PIK3CB: variants seen among roughly 807,000 people sequenced by gnomAD.
PIK3CB encodes the protein phosphatidylinositol 4,5-bisphosphate 3-kinase catalytic subunit beta isoform.
In PIK3CB, 39 loss-of-function variants were observed where a neutral mutation model predicts 136.8. That is an observed-to-expected ratio of 0.29 (90% confidence interval 0.22 to 0.37). PIK3CB has a LOEUF of 0.37. PIK3CB is among the 10% of genes least tolerant of loss of function. The pLI, the probability that PIK3CB is intolerant of heterozygous loss-of-function variation, is 1.00. For synonymous variants in PIK3CB, 428 were observed against 436.6 expected, an observed-to-expected ratio of 0.98 and a Z score of 0.25; for missense variants, 868 against 1,275.4, an observed-to-expected ratio of 0.68 and a Z score of 4.87.
rs1409520612 is a variant in PIK3CB at position 138,763,831 on chromosome 3, G to A, written c.-16-4472C>T. Among the ~76,000 whole-genome samples the A allele has an allele frequency of 2.0e-5, 3 of 152,178 alleles. No individual in the cohort carries two copies. In the East Asian group the frequency reaches 5.8e-4, roughly 29 times the overall value. On this transcript the variant is annotated intron_variant, in intron 2 of 23. Coordinates refer to ENST00000674063, the MANE Select transcript of PIK3CB (RefSeq NM_006219.3). ...GTAGATACAAAAATTTCTTGATGAAGGCCAGGCGCGCTGGCTCATGCCTGC... is the reference window on the plus strand; with the variant it reads ...GTAGATACAAAAATTTCTTGATGAAAGCCAGGCGCGCTGGCTCATGCCTGC...
chr3:138,756,424 CA>C (rs1301678347), intron 3 of PIK3CB, among the ~76,000 whole-genome samples: 8 of 151,356 alleles, frequency 5.3e-5, no homozygotes, highest in South Asian at 2.1e-4. Flanking sequence ...CAGGAGTAAT[CA>C]AAAAAAAATT....
At chr3:138,665,233 T>C (rs1306170821) in intron 19 of PIK3CB, 30 bp from the exon 20 acceptor site, 2 of 1,480,876 alleles carry the variant, frequency 1.4e-6, no homozygotes, top group Admixed American at 2.2e-5. Context: ...CATAGAGTCA[T>C]ATTTTCCTTA....
At chr3:138,815,631 A>G (rs987733997) in intron 1 of PIK3CB, among the ~76,000 whole-genome samples, 4 of 152,160 alleles carry the variant, frequency 2.6e-5, no homozygotes, top group African/African-American at 7.2e-5. Flanking sequence ...TGACCATGCT[A>G]TGCTGCCATT....
chr3:138,709,798 T>C (rs2044457329), intron 10 of PIK3CB, among the ~76,000 whole-genome samples: 1 of 152,178 alleles, frequency 6.6e-6, no homozygotes, highest in South Asian at 2.1e-4. Flanking sequence ...AGAACATGTG[T>C]GAGTCTAAAT....
intron 11 of PIK3CB, among the ~76,000 whole-genome samples, chr3:138,705,906 C>T (rs1379103310): frequency 6.6e-6 from 1 of 152,172 alleles, no homozygotes; most frequent in East Asian, 1.9e-4. Flanking sequence ...GCACATGCCA[C>T]CACACCCAGC....
chr3:138,693,215 G>A lies in PIK3CB; in HGVS notation c.1892+1571C>T, dbSNP rs184173952. The stretch of plus-strand genomic sequence containing the variant: ...CTCAAGTGATCCTCCTACCTCAGCC[G>A]CCCAAGTAGCTGGGACCACAGGTGC... On this transcript the variant is annotated intron_variant, in intron 14 of 23. Transcript: ENST00000674063. Among the ~76,000 whole-genome samples the A allele has an allele frequency of 2.0e-4, 31 of 151,450 alleles. No individual in the cohort carries two copies. In the East Asian group the frequency reaches 3.3e-3, roughly 16 times the overall value.
At chr3:138,712,147 C>A in intron 10 of PIK3CB, 61 bp downstream of exon 10, 1 of 712,304 alleles carries the variant, frequency 1.4e-6, no homozygotes, top group Non-Finnish European at 2.5e-6. Context: ...TAAATATTAC[C>A]TAGTCCACAT....
At chr3:138,705,186 C>G (rs201997168) in intron 11 of PIK3CB, among the ~76,000 whole-genome samples, 1 of 55,078 alleles carries the variant, frequency 1.8e-5, no homozygotes, top group African/African-American at 9.2e-5. Context: ...AAAAACAAAA[C>G]AAACAAAAAA....
intron 2 of PIK3CB, among the ~76,000 whole-genome samples, chr3:138,760,326 CT>C (rs2045646156): frequency 6.6e-6 from 1 of 152,128 alleles, no homozygotes. Context: ...TTTCTCTGGC[CT>C]ATTTTTCTTG....
chr3:138,781,678 C>T (rs2045925583), intron 2 of PIK3CB, among the ~76,000 whole-genome samples: 1 of 152,132 alleles, frequency 6.6e-6, no homozygotes, highest in Admixed American at 6.6e-5. Flanking sequence ...TGCTCTCGAA[C>T]TCCTGACCTC....
intron 2 of PIK3CB, among the ~76,000 whole-genome samples, chr3:138,788,784 G>A (rs868354626): frequency 6.6e-6 from 1 of 150,660 alleles, no homozygotes; most frequent in Non-Finnish European, 1.5e-5. Context: ...CCAACATGGT[G>A]AAACCCCGTA....
chr3:138,813,466 C>G (rs1933167869), intron 1 of PIK3CB, among the ~76,000 whole-genome samples: 1 of 140,584 alleles, frequency 7.1e-6, no homozygotes, highest in Non-Finnish European at 1.5e-5. Flanking sequence ...GAGTCTTGCT[C>G]TGTCGCCCAG....
chr3:138,690,302 T>C (rs1375677726), intron 15 of PIK3CB, among the ~76,000 whole-genome samples: 3 of 151,698 alleles, frequency 2.0e-5, no homozygotes, highest in African/African-American at 4.8e-5. Context: ...AGAAAAAAGG[T>C]AGTTTTTTTT....
chr3:138,702,494 G>A (rs1206812718), intron 12 of PIK3CB, among the ~76,000 whole-genome samples: 1 of 152,122 alleles, frequency 6.6e-6, no homozygotes. Context: ...TTTAGGTCAG[G>A]TACAAGTTTA....
rs771668476 is a variant in PIK3CB, at chr3:138,733,419, T to G, written c.992A>C (p.Asn331Thr). 4.5e-6 allele frequency: 7 copies of G among 1,551,154 alleles called. No homozygotes were observed. The highest frequency in any genetic ancestry group is 6.2e-6 in the Non-Finnish European group (7 of 1,126,024). ...RIISHVWENN[N>T]PFQIVLVKGN... ...CTTAACCAAGACAATTTGGAAAGGG[T>G]TGTTATTTTCCCAAACATGCTGTAA... The change falls in exon 8 of 24, where the codon AAC becomes ACC. Residue 331 changes from asparagine to threonine, a missense_variant. Coordinates refer to ENST00000674063, the MANE Select transcript of PIK3CB (RefSeq NM_006219.3).
chr3:138,804,792 A>G (rs1306215700), intron 1 of PIK3CB, among the ~76,000 whole-genome samples: 1 of 152,178 alleles, frequency 6.6e-6, no homozygotes, highest in Non-Finnish European at 1.5e-5. Context: ...TGGGAGGCCA[A>G]GGTGGGCGGA....
intron 1 of PIK3CB, among the ~76,000 whole-genome samples, chr3:138,800,749 T>C (rs1011943077): frequency 6.6e-6 from 1 of 152,074 alleles, no homozygotes; most frequent in East Asian, 1.9e-4. Flanking sequence ...CTCAGTCTCC[T>C]GAGTACCTGG....
intron 1 of PIK3CB, chr3:138,825,545 T>A: frequency 1.5e-6 from 1 of 654,844 alleles, no homozygotes; most frequent in South Asian, 1.9e-5. Flanking sequence ...AGTGACAACA[T>A]GCTGAAGCCA....
intron 19 of PIK3CB, among the ~76,000 whole-genome samples, chr3:138,671,006 A>G (rs2043521677): frequency 6.6e-6 from 1 of 152,202 alleles, no homozygotes. Context: ...ATACTCTGAT[A>G]AACAAAGAGT....
Sources: gnomAD v4.1 joint callset for allele counts (sites outside exome capture counted in the v4.1 genomes callset) on GRCh38, gnomAD v4.1.1 for gene constraint, MANE v1.5 for transcripts, NCBI Gene and HGNC (gene_info 2026-07-23, HGNC 2026-07-21) for gene names.